DENND4B: variants seen among roughly 807,000 people sequenced by gnomAD.
DENND4B encodes DENN domain-containing protein 4B.
In DENND4B, 67 loss-of-function variants were observed where a neutral mutation model predicts 161.0. The observed-to-expected ratio is 0.42, with a 90% CI of 0.34 to 0.51. The LOEUF (loss-of-function observed/expected upper bound fraction) is 0.51. DENND4B is among the 20% of genes least tolerant of loss of function. The pLI is 0.08. For synonymous variants in DENND4B, 753 were observed against 813.8 expected (o/e 0.93, Z 1.27); for missense variants, 1,481 against 1,968.0 (o/e 0.75, Z 4.68).
rs1297626955 is a variant in DENND4B at position 153,946,690 on chromosome 1, G to A, written c.-413C>T. 8.0e-6 allele frequency: 3 copies of A among 376,640 alleles called. No homozygotes were observed. Among genetic ancestry groups the A allele is most frequent in the Non-Finnish European group, 9.4e-6 (2 of 212,238 alleles). The allele number at this position is 376,640 out of a possible 1,614,324, so 23.3% of individuals were successfully genotyped here. A position where few individuals can be genotyped will look rare whatever the true frequency, so the allele number is the denominator to read the frequency against. On this transcript the variant is annotated 5_prime_UTR_variant, in exon 1 of 28. Transcript: ENST00000361217. The surrounding 1 kb of genome is among the most constrained non-coding windows in gnomAD (Gnocchi z 6.3). ...CCGCTACCCCCACCCCTCCTCCTCG[G>A]CCGGCGGCCGTGACCCTGGCAAGCG...
Position 153,946,300 on chromosome 1 carries a change from C to A in DENND4B, c.-24+1G>T, listed in dbSNP as rs1314338334. The A allele has an allele frequency of 5.6e-6, 2 of 355,444 alleles. No individual in the cohort carries two copies. Among genetic ancestry groups the A allele is most frequent in the Non-Finnish European group, 1.0e-5 (2 of 198,084 alleles). The allele number at this position is 355,444 out of a possible 1,614,324, so 22.0% of individuals were successfully genotyped here. A position where few individuals can be genotyped will look rare whatever the true frequency, so the allele number is the denominator to read the frequency against. ...CCCAGCCCGGTCCAGCCCCTACCTGCCTGTCCCGCGCTTCCCGGCCGGCCG... is the reference window on the plus strand; with the variant it reads ...CCCAGCCCGGTCCAGCCCCTACCTGACTGTCCCGCGCTTCCCGGCCGGCCG... On this transcript the variant is annotated splice_donor_variant, in intron 1 of 27. Coordinates refer to ENST00000361217, the MANE Select transcript of DENND4B (RefSeq NM_014856.3). LOFTEE classifies it low-confidence loss of function (5UTR_SPLICE). The surrounding 1 kb of genome is among the most constrained non-coding windows in gnomAD (Gnocchi z 6.3).
chr1:153,938,090 A>C (rs1679449004), intron 13 of DENND4B, among the ~76,000 whole-genome samples: 1 of 152,226 alleles, frequency 6.6e-6, no homozygotes, highest in South Asian at 2.1e-4. Flanking sequence ...TCCCAGTCAC[A>C]GTTAAGATAT....
Position 153,945,231 on chromosome 1 carries a change from A to G in DENND4B, c.-23-834T>C, listed in dbSNP as rs1679895507. On this transcript the variant is annotated intron_variant, in intron 1 of 27. Transcript: ENST00000361217. The stretch of plus-strand genomic sequence containing the variant: ...GGAAAAAGCCTGGTGGGTAGCTCGC[A>G]GCAGGGGCCCAGAAGCGTGGGGGGT... The G allele has an allele frequency of 3.2e-6, 4 of 1,235,256 alleles. No homozygotes were observed. The South Asian group carries it at 5.0e-5, about 16-fold the overall frequency. The allele number at this position is 1,235,256 out of a possible 1,614,324, so 76.5% of individuals were successfully genotyped here.
At position 153,942,584 on chromosome 1, in the gene DENND4B, C is replaced by T. The variant is rs372143578; in HGVS notation, c.612G>A (p.Ala204=). The T allele has an allele frequency of 3.1e-6, 5 of 1,598,658 alleles. No homozygotes were observed. The Admixed American group carries it at 5.2e-5, about 17-fold the overall frequency. Residue 204 remains alanine (A), a synonymous_variant, in exon 4 of 28, where the codon GCG becomes GCA. Coordinates refer to ENST00000361217, the MANE Select transcript of DENND4B (RefSeq NM_014856.3). This position sits in a 1 kb window ranked among gnomAD's most constrained non-coding sequence, Gnocchi z 6.9. ...AVYLCYKVGL[A]KANTLVYEAE... ...CCTCGTACACCAGCGTGTTGGCCTT[C>T]GCCAGGCCCACCTTATAGCACAGGT...
At chr1:153,945,066 C>T (rs1679886631) in intron 1 of DENND4B, 1 of 1,277,826 alleles carries the variant, frequency 7.8e-7, no homozygotes, top group Non-Finnish European at 1.0e-6. Context: ...GAGACAAGTC[C>T]CGGCCATCCC....
chr1:153,938,198 C>T (rs1679460672), intron 13 of DENND4B, among the ~76,000 whole-genome samples: 2 of 151,622 alleles, frequency 1.3e-5, no homozygotes, highest in African/African-American at 4.8e-5. Context: ...TACTTGAGGC[C>T]AGGAGTTCGA....
In DENND4B at chr1:153,934,957, A is replaced by C. The variant is rs753416686; in HGVS notation, c.2576T>G (p.Leu859Trp). Reference sequence around the variant, plus strand: ...TGTGCCAGACGGCCACTTGCTTTCCAACACAGCCTACCAAGCACAGTGCCC... The same window carrying C: ...TGTGCCAGACGGCCACTTGCTTTCCCACACAGCCTACCAAGCACAGTGCCC... Reference protein sequence around the residue: ...ITYGYYNKAVLESKWPSGTPG... With the variant: ...ITYGYYNKAVWESKWPSGTPG... Residue 859 changes from leucine to tryptophan, a missense_variant, in exon 18 of 28, where the codon TTG (leucine) becomes TGG (tryptophan). This residue lies in a region of DENND4B where 339 missense variants were observed against 330.3 expected (regional missense o/e 1.03). Coordinates refer to ENST00000361217, the MANE Select transcript of DENND4B (RefSeq NM_014856.3). The surrounding 1 kb of genome is among the most constrained non-coding windows in gnomAD (Gnocchi z 5.3). The C allele has an allele frequency of 9.9e-6, 16 of 1,611,048 alleles. No homozygotes were observed. The highest frequency in any genetic ancestry group is 1.3e-5 in the Non-Finnish European group (15 of 1,179,868).
Position 153,933,596 on chromosome 1 carries a change from CAGG to C in DENND4B, c.3214_3216del (p.Pro1072del), listed in dbSNP as rs758561508. On this transcript the variant is annotated inframe_deletion, in exon 20 of 28. Coordinates refer to ENST00000361217, the MANE Select transcript of DENND4B (RefSeq NM_014856.3). The surrounding 1 kb of genome is among the most constrained non-coding windows in gnomAD (Gnocchi z 5.7). ...AGCTCAGGTGGGGGAATGCGGGAGGCAGGGGAGTGGCGGGAAGGAGTGAGCAGC... is the reference window on the plus strand; with the variant it reads ...AGCTCAGGTGGGGGAATGCGGGAGGCGGAGTGGCGGGAAGGAGTGAGCAGC... 4.5e-6 allele frequency: 7 copies of C among 1,572,524 alleles called. No homozygotes were observed. In the East Asian group the frequency reaches 1.6e-4, roughly 35 times the overall value.
chr1:153,941,781 C>CGGGGG, intron 6 of DENND4B, 88 bp downstream of exon 6: 1 of 656,266 alleles, frequency 1.5e-6, no homozygotes, highest in Non-Finnish European at 2.6e-6. Flanking sequence ...CCCAGCCCTC[C>CGGGGG]CCCCACCCAC....
In DENND4B at chr1:153,933,950, C is replaced by G. The variant is rs1025796558; in HGVS notation, c.2942-79G>C. On this transcript the variant is annotated intron_variant, in intron 19 of 27. Transcript: ENST00000361217. This position sits in a 1 kb window ranked among gnomAD's most constrained non-coding sequence, Gnocchi z 5.7. ...CCCCTTTCCTGAATAAACACAATTCCTGGCTGCACAAACTCTGGTGCCACC... is the reference window on the plus strand; with the variant it reads ...CCCCTTTCCTGAATAAACACAATTCGTGGCTGCACAAACTCTGGTGCCACC... The G allele has an allele frequency of 3.2e-6, 5 of 1,555,406 alleles. No individual in the cohort carries two copies. In the African/African-American group the frequency reaches 4.2e-5, roughly 13 times the overall value.
chr1:153,946,257 G>A lies in DENND4B; in HGVS notation c.-24+44C>T, dbSNP rs1679960587. On this transcript the variant is annotated intron_variant, in intron 1 of 27. Transcript: ENST00000361217. The surrounding 1 kb of genome is among the most constrained non-coding windows in gnomAD (Gnocchi z 6.3). The stretch of plus-strand genomic sequence containing the variant: ...CCGCCTGCCGCCCGCGCTCCCTCCT[G>A]CCCGTCCCCGCCTGCCGCCCAGCCC... The A allele has an allele frequency of 6.0e-6, 2 of 335,182 alleles. No individual in the cohort carries two copies. The highest frequency in any genetic ancestry group is 1.1e-5 in the Non-Finnish European group (2 of 185,516). The allele number at this position is 335,182 out of a possible 1,614,324, so 20.8% of individuals were successfully genotyped here.
At position 153,937,568 on chromosome 1, in the gene DENND4B, G is replaced by C. The variant is rs1679422291; in HGVS notation, c.2152C>G (p.Gln718Glu). Residue 718 changes from glutamine to glutamate, a missense_variant, in exon 15 of 28, where the codon CAA (glutamine) becomes GAA (glutamate). Gln to Glu is a conservative substitution (Grantham distance 29). Coordinates refer to ENST00000361217, the MANE Select transcript of DENND4B (RefSeq NM_014856.3). The surrounding 1 kb of genome is among the most constrained non-coding windows in gnomAD (Gnocchi z 4.7). ...ELRAELFESL[Q>E]EQPGALPVPG... ...ACAGGCAGGGCCCCAGGTTGCTCTT[G>C]AAGAGACTCAAACAACTCAGCCCGT... The C allele has an allele frequency of 6.2e-7, 1 of 1,613,426 alleles. No homozygotes were observed. Among genetic ancestry groups the C allele is most frequent in the African/African-American group, 1.3e-5 (1 of 74,950 alleles).
Position 153,940,907 on chromosome 1 carries a change from G to C in DENND4B, c.1323C>G (p.Val441=). ...DLLTSVCEAL[V]SMIFPLHWQC... ...GGCCAGGCGGGGCGGCACTCACCGA[G>C]ACGAGGGCCTCACAGACGCTGGTGA... Residue 441 remains valine (V), a synonymous_variant, in exon 9 of 28, where the codon GTC becomes GTG. Transcript: ENST00000361217. The surrounding 1 kb of genome is among the most constrained non-coding windows in gnomAD (Gnocchi z 5.6). 6.4e-7 allele frequency: 1 copy of C among 1,570,846 alleles called. No individual in the cohort carries two copies. The highest frequency in any genetic ancestry group is 1.2e-5 in the South Asian group (1 of 86,422).
Position 153,934,997 on chromosome 1 carries a change from C to T in DENND4B, c.2569-33G>A. ...GCACAGTGCCCATCAGGATGGCCTA[C>T]CTCGACACCCTAACCCTGCCTCATA... On this transcript the variant is annotated intron_variant, in intron 17 of 27. Transcript: ENST00000361217. The surrounding 1 kb of genome is among the most constrained non-coding windows in gnomAD (Gnocchi z 5.3). 3.1e-6 allele frequency: 5 copies of T among 1,602,356 alleles called. No individual in the cohort carries two copies. In the African/African-American group the frequency reaches 4.0e-5, roughly 13 times the overall value.
In DENND4B at chr1:153,936,629, C is replaced by A. The variant is rs774951490; in HGVS notation, c.2352G>T (p.Arg784=). 4 of 1,613,524 alleles carry A rather than the reference C, an allele frequency of 2.5e-6. No homozygotes were observed. The highest frequency in any genetic ancestry group is 3.4e-6 in the Non-Finnish European group (4 of 1,179,646). ...LWFLCLPAYV[R]SAPSRVQALH... is the part of the protein sequence containing the mutation. ...GTGCCTGCACTCGGGAGGGTGCCGA[C>A]CGCACATAGGCAGGCAGACACAGGA... Residue 784 remains arginine, a synonymous_variant, in exon 16 of 28, where the codon CGG becomes CGT. Transcript: ENST00000361217. This position sits in a 1 kb window ranked among gnomAD's most constrained non-coding sequence, Gnocchi z 4.1.
rs1679986491 is a variant in DENND4B at position 153,946,584 on chromosome 1, C to G, written c.-307G>C. The G allele has an allele frequency of 5.2e-6, 2 of 388,194 alleles. No homozygotes were observed. Among genetic ancestry groups the G allele is most frequent in the East Asian group, 7.4e-5 (2 of 27,178 alleles). 24.0% of individuals were successfully genotyped at this position (388,194 alleles called of 1,614,324 possible). ...CGGCCGGCTCGGTCCTCCCAGCTCC[C>G]GCGGCGCCGGGGACCCAGCGTTCCT... On this transcript the variant is annotated 5_prime_UTR_variant, in exon 1 of 28. Coordinates refer to ENST00000361217, the MANE Select transcript of DENND4B (RefSeq NM_014856.3). The surrounding 1 kb of genome is among the most constrained non-coding windows in gnomAD (Gnocchi z 6.3).
Position 153,934,108 on chromosome 1 carries a change from G to C in DENND4B, c.2941+27C>G. The C allele has an allele frequency of 6.5e-7, 1 of 1,529,238 alleles. No individual in the cohort carries two copies. Among genetic ancestry groups the C allele is most frequent in the Non-Finnish European group, 8.7e-7 (1 of 1,144,982 alleles). The allele number at this position is 1,529,238 out of a possible 1,614,324, so 94.7% of individuals were successfully genotyped here. A position where few individuals can be genotyped will look rare whatever the true frequency, so the allele number is the denominator to read the frequency against. ...GTGGTTAGGAAAGCTGACTGGGGGAGTGAGGGAGCCAGACAAGGGCACTCA... is the reference window on the plus strand; with the variant it reads ...GTGGTTAGGAAAGCTGACTGGGGGACTGAGGGAGCCAGACAAGGGCACTCA... On this transcript the variant is annotated intron_variant, in intron 19 of 27. Coordinates refer to ENST00000361217, the MANE Select transcript of DENND4B (RefSeq NM_014856.3). The surrounding 1 kb of genome is among the most constrained non-coding windows in gnomAD (Gnocchi z 5.3).
At chr1:153,945,517 A>AGAGCCAGGCTGGCTT (rs1553206367) in intron 1 of DENND4B, among the ~76,000 whole-genome samples, 1 of 151,982 alleles carries the variant, frequency 6.6e-6, no homozygotes, top group East Asian at 1.9e-4. Flanking sequence ...GGAATCTCAT[A>AGAGCCAGGCTGGCTT]GAGCCAGGCT....
In DENND4B at chr1:153,934,195, T is replaced by C; in HGVS notation, c.2881A>G (p.Ser961Gly). 6.2e-7 allele frequency: 1 copy of C among 1,606,378 alleles called. No homozygotes were observed. The highest frequency in any genetic ancestry group is 8.5e-7 in the Non-Finnish European group (1 of 1,177,352). Residue 961 changes from serine (S) to glycine (G), a missense_variant, in exon 19 of 28, where the codon AGT (serine) becomes GGT (glycine). By Grantham distance (56) the Ser-to-Gly change is moderately conservative. Around this residue, in one of 3 missense-constraint regions of DENND4B, gnomAD observed 339 missense variants for 330.3 expected, o/e 1.03. Transcript: ENST00000361217. The surrounding 1 kb of genome is among the most constrained non-coding windows in gnomAD (Gnocchi z 5.3). ...CCTCGGGCACTGCCCAGGCTACCAC[T>C]CTTCACCAGGCGTCCAGGGGGTGAG... ...PASPPGRLVK[S>G]GSLGSARGAQ...
Sources: allele counts gnomAD v4.1 joint callset (sites outside exome capture counted in the v4.1 genomes callset), GRCh38; gene constraint gnomAD v4.1.1; regional missense constraint gnomAD v4.1.1; non-coding constraint Gnocchi (gnomAD v3.1); transcripts MANE v1.5; gene names NCBI Gene and HGNC (gene_info 2026-07-23, HGNC 2026-07-21).